CCDC77: variants seen among roughly 807,000 people sequenced by gnomAD.
CCDC77 encodes coiled-coil domain containing 77, also known as coiled-coil domain-containing protein 77.
Under a neutral mutation model 66.8 loss-of-function variants are expected in CCDC77, and 56 were observed. The ratio of observed to expected loss-of-function variants is 0.84; its 90% CI spans 0.68 to 1.05. CCDC77 has a LOEUF of 1.05. Among genes scored for constraint, CCDC77 ranks in the 50% least tolerant of loss-of-function variants. The probability of loss-of-function intolerance (pLI) is 0.00; values close to 1 mark genes in which losing one functional copy is unlikely to be tolerated. For synonymous variants in CCDC77, 196 were observed against 195.2 expected, an observed-to-expected ratio of 1.00 and a Z score of -0.03; for missense variants, 570 against 576.8, an observed-to-expected ratio of 0.99 and a Z score of 0.12.
intron 2 of CCDC77, among the ~76,000 whole-genome samples, chr12:406,986 C>T (rs970305785): frequency 3.9e-5 from 6 of 152,140 alleles, no homozygotes; most frequent in African/African-American, 9.7e-5. Context: ...GTTAAGAGAC[C>T]GTTGTCGTCA....
chr12:434,173 G>C (rs1026461574), intron 9 of CCDC77, among the ~76,000 whole-genome samples: 2 of 151,366 alleles, frequency 1.3e-5, no homozygotes, highest in African/African-American at 4.9e-5. Context: ...AAAAAAAAAA[G>C]GTTATTTTTA....
At chr12:398,940 A>G (rs1244457883), upstream of CCDC77, among the ~76,000 whole-genome samples, 1 of 151,458 alleles carries the variant, frequency 6.6e-6, no homozygotes, top group Non-Finnish European at 1.5e-5. Context: ...TTTTATAGAG[A>G]CAAGGTTTTC....
chr12:431,787 C>A, intron 7 of CCDC77, 79 bp from the exon 8 acceptor site: 2 of 874,508 alleles, frequency 2.3e-6, no homozygotes, highest in Non-Finnish European at 3.7e-6. Context: ...AACTCCTCTG[C>A]GTGGGAAATA....
At chr12:430,455 C>T (rs964427979) in intron 6 of CCDC77, among the ~76,000 whole-genome samples, 3 of 152,182 alleles carry the variant, frequency 2.0e-5, no homozygotes, top group African/African-American at 7.2e-5. Flanking sequence ...CCACACCTGG[C>T]CTACCTTTTT....
At chr12:396,939 C>T (rs1289057434), upstream of CCDC77, among the ~76,000 whole-genome samples, 1 of 152,168 alleles carries the variant, frequency 6.6e-6, no homozygotes, top group African/African-American at 2.4e-5. Context: ...CAGAGTCTCG[C>T]TCTGTCACCC....
At chr12:391,910 G>C (rs1155942) in intron 1 of CCDC77, among the ~76,000 whole-genome samples, 121,615 of 152,186 alleles carry the variant, frequency 0.8, 48,724 homozygotes, top group East Asian at 0.9. Context: ...AGAAACTTCT[G>C]TAGTTACAAC....
At chr12:391,886 C>G (rs1276735540) in intron 1 of CCDC77, among the ~76,000 whole-genome samples, 1 of 152,226 alleles carries the variant, frequency 6.6e-6, no homozygotes, top group Non-Finnish European at 1.5e-5. Flanking sequence ...ATTAACATCT[C>G]TGGTGCGAAC....
At chr12:428,472 T>C (rs149008436) in intron 5 of CCDC77, among the ~76,000 whole-genome samples, 1,319 of 127,608 alleles carry the variant, frequency 0.01, 21 homozygotes, top group Middle Eastern at 0.036. Flanking sequence ...GACCGCACCA[T>C]TGCACTCCAG....
rs186370677 is a variant in CCDC77 at position 410,592 on chromosome 12, C to A, written c.39-1155C>A. ...AGAAACTAGGTTCCGCTATGTTGGC[C>A]AGGCTGGTCTGGAGTGGCGTGATCT... is the stretch of plus-strand genomic sequence containing the variant. On this transcript the variant is annotated intron_variant, in intron 3 of 12. Coordinates refer to ENST00000239830, the MANE Select transcript of CCDC77 (RefSeq NM_032358.4). 1.7e-3 allele frequency among the ~76,000 whole-genome samples: 254 copies of A among 150,568 alleles called. 1 individual carries two copies. Among genetic ancestry groups the A allele is most frequent in the Admixed American group, 8.2e-3 (123 of 14,980 alleles).
chr12:403,220 T>C (rs1944929028), intron 1 of CCDC77, among the ~76,000 whole-genome samples: 1 of 152,216 alleles, frequency 6.6e-6, no homozygotes, highest in Non-Finnish European at 1.5e-5. Flanking sequence ...AAGAAATGGT[T>C]AGAGGAAATG....
At chr12:393,372 C>G (rs1341675411) in intron 1 of CCDC77, among the ~76,000 whole-genome samples, 1 of 152,152 alleles carries the variant, frequency 6.6e-6, no homozygotes, top group Non-Finnish European at 1.5e-5. Context: ...CTCGGCCCCC[C>G]AAAGTGCTGC....
chr12:415,378 A>ATAATATTATGTTAATATAATCAACG (rs1945217881), intron 4 of CCDC77, among the ~76,000 whole-genome samples: 3 of 107,618 alleles, frequency 2.8e-5, no homozygotes, highest in Non-Finnish European at 5.7e-5. Flanking sequence ...TATAATCAAC[A>ATAATATTATGTTAATATAATCAACG]TAATATTATG....
At position 418,635 on chromosome 12, in the gene CCDC77, A is replaced by G. The variant is rs1945332540; in HGVS notation, c.412A>G (p.Arg138Gly). The change falls in exon 5 of 13, where the codon AGG becomes GGG. Residue 138 changes from arginine (R) to glycine (G), a missense_variant and splice_region_variant. By Grantham distance (125) the Arg-to-Gly change is moderately radical (BLOSUM62 -2). Coordinates refer to ENST00000239830, the MANE Select transcript of CCDC77 (RefSeq NM_032358.4). ...CTCAGAAAATGACCGACTGAGAATC[A>G]GGTACCAAATAGGAGAAGGGAAATG... is the stretch of plus-strand genomic sequence containing the variant. The part of the protein sequence containing the change: ...LYSENDRLRI[R>G]ELEDKKKIQN... 2 of 1,612,856 alleles carry G rather than the reference A, an allele frequency of 1.2e-6. No individual in the cohort carries two copies. Among genetic ancestry groups the G allele is most frequent in the Non-Finnish European group, 1.7e-6 (2 of 1,179,588 alleles).
In CCDC77 at chr12:391,753, T is replaced by C. The variant is rs144854164; in HGVS notation, c.-113+2267T>C. 8.4e-3 allele frequency among the ~76,000 whole-genome samples: 1,285 copies of C among 152,344 alleles called. 19 individuals carry two copies. The highest frequency in any genetic ancestry group is 0.02 in the African/African-American group (831 of 41,578). On this transcript the variant is annotated intron_variant, in intron 1 of 11. Coordinates refer to the CCDC77 transcript ENST00000422000. ...ATTTTAAACTGTCTCTCTAGTAGAA[T>C]AGAAAATGTATAATGATTCTCAATC...
chr12:411,597 C>T (rs1945112270), intron 3 of CCDC77, 150 bp from the exon 4 acceptor site: 2 of 643,830 alleles, frequency 3.1e-6, no homozygotes, highest in East Asian at 5.6e-5. Context: ...GGATTACAGG[C>T]ATGAGCCACT....
At chr12:438,090 C>G (rs555201492) in intron 9 of CCDC77, among the ~76,000 whole-genome samples, 1 of 152,202 alleles carries the variant, frequency 6.6e-6, no homozygotes, top group South Asian at 2.1e-4. Flanking sequence ...ATCTGAAGTT[C>G]GCACTCAGGA....
intron 5 of CCDC77, among the ~76,000 whole-genome samples, chr12:427,531 G>A (rs1945558820): frequency 6.7e-6 from 1 of 149,376 alleles, no homozygotes; most frequent in Non-Finnish European, 1.5e-5. Flanking sequence ...CCAGAGTGCG[G>A]TGGTGCAATC....
rs1465895396 is a variant in CCDC77, at chr12:441,023, A to C, written c.1320+27A>C. ...TAATTGCTGGTCCTGAATTGCCACG[A>C]GGGAGAGAAGAGGTGTAAGTGAGGG... On this transcript the variant is annotated intron_variant, in intron 12 of 12. Transcript: ENST00000239830. 3.1e-6 allele frequency: 5 copies of C among 1,604,000 alleles called. No homozygotes were observed. The African/African-American group carries it at 6.7e-5, about 21-fold the overall frequency.
upstream of CCDC77, among the ~76,000 whole-genome samples, chr12:397,368 A>T (rs1944841377): frequency 6.6e-6 from 1 of 152,172 alleles, no homozygotes; most frequent in African/African-American, 2.4e-5. Context: ...AAATAGACAA[A>T]AGATACCGAG....
Sources: allele counts gnomAD v4.1 joint callset (sites outside exome capture counted in the v4.1 genomes callset), GRCh38; gene constraint gnomAD v4.1.1; transcripts MANE v1.5; gene names NCBI Gene and HGNC (gene_info 2026-07-23, HGNC 2026-07-21).